FOXN3: variants seen among roughly 807,000 people sequenced by gnomAD.
FOXN3 encodes forkhead box N3, also known as forkhead box protein N3.
Under a neutral mutation model 38.4 loss-of-function variants are expected in FOXN3, and 7 were observed. The ratio of observed to expected loss-of-function variants is 0.18; its 90% CI spans 0.10 to 0.34. The LOEUF (loss-of-function observed/expected upper bound fraction) is 0.34, where lower values mean the gene tolerates loss of function less well. FOXN3 is among the 10% of genes least tolerant of loss of function. The pLI is 1.00. For missense variants in FOXN3, 456 were observed against 613.4 expected (o/e 0.74, Z 2.71); for synonymous variants, 230 against 242.2 (o/e 0.95, Z 0.47).
intron 2 of FOXN3, among the ~76,000 whole-genome samples, chr14:89,397,029 GA>G (rs1176202636): frequency 1.3e-5 from 2 of 152,056 alleles, no homozygotes; most frequent in Non-Finnish European, 2.9e-5. Context: ...CAAAGCCATG[GA>G]ATCAACCTAA....
intron 2 of FOXN3, among the ~76,000 whole-genome samples, chr14:89,407,826 G>C (rs78507777): frequency 0.062 from 9,431 of 152,108 alleles, 398 homozygotes; most frequent in Middle Eastern, 0.11. Context: ...GTGAAACCCT[G>C]TCTCAAAACA....
chr14:89,427,510 G>A (rs1246287789), intron 1 of FOXN3, among the ~76,000 whole-genome samples: 14 of 148,210 alleles, frequency 9.4e-5, no homozygotes, highest in African/African-American at 3.5e-4. Flanking sequence ...GTAGAGATGG[G>A]GTTTCACCAT....
At chr14:89,403,897 C>T (rs1032563740) in intron 2 of FOXN3, among the ~76,000 whole-genome samples, 1 of 152,058 alleles carries the variant, frequency 6.6e-6, no homozygotes, top group Non-Finnish European at 1.5e-5. Context: ...AGAAAAGCAA[C>T]GATGTGAGAC....
chr14:89,308,535 G>A (rs189462719), intron 3 of FOXN3, among the ~76,000 whole-genome samples: 9 of 152,286 alleles, frequency 5.9e-5, no homozygotes, highest in Non-Finnish European at 1.0e-4. Context: ...GTGAAGTTGC[G>A]GGTCTTTGGG....
intron 4 of FOXN3, 89 bp downstream of exon 4, chr14:89,280,861 A>G: frequency 8.7e-7 from 1 of 1,150,394 alleles, no homozygotes; most frequent in East Asian, 2.4e-5. Flanking sequence ...ACGGGACAGA[A>G]CTGTCCTATT....
intron 1 of FOXN3, among the ~76,000 whole-genome samples, chr14:89,452,937 G>A (rs938402435): frequency 5.3e-5 from 8 of 152,258 alleles, no homozygotes; most frequent in Admixed American, 4.6e-4. Flanking sequence ...GGCAGCTCAC[G>A]CCAGTAATCC....
chr14:89,303,301 C>T (rs1486303602), intron 3 of FOXN3, among the ~76,000 whole-genome samples: 1 of 152,012 alleles, frequency 6.6e-6, no homozygotes, highest in African/African-American at 2.4e-5. Flanking sequence ...ACTGCTCCTC[C>T]TGTCTTCTTC....
intron 3 of FOXN3, among the ~76,000 whole-genome samples, chr14:89,308,316 T>C (rs757437621): frequency 1.3e-5 from 2 of 152,210 alleles, no homozygotes; most frequent in Non-Finnish European, 2.9e-5. Context: ...AAAAATTGTA[T>C]ATTTCTGTCC....
chr14:89,187,731 C>G (rs1022027955), intron 4 of FOXN3, among the ~76,000 whole-genome samples: 1 of 152,192 alleles, frequency 6.6e-6, no homozygotes, highest in Non-Finnish European at 1.5e-5. Context: ...TAACCACAAG[C>G]TGCAGATACA....
chr14:89,410,294 G>A (rs1424012547), intron 2 of FOXN3, among the ~76,000 whole-genome samples: 1 of 151,928 alleles, frequency 6.6e-6, no homozygotes, highest in Non-Finnish European at 1.5e-5. Context: ...GAAATTGAAG[G>A]CCCCAGCCCC....
chr14:89,509,170 G>A (rs972799393), intron 1 of FOXN3, among the ~76,000 whole-genome samples: 2 of 152,048 alleles, frequency 1.3e-5, no homozygotes, highest in Non-Finnish European at 1.5e-5. Context: ...GCTGAGCATC[G>A]ACCTGCCTTT....
At chr14:89,229,654 A>G (rs1350581852) in intron 4 of FOXN3, among the ~76,000 whole-genome samples, 5 of 152,166 alleles carry the variant, frequency 3.3e-5, no homozygotes, top group Non-Finnish European at 7.3e-5. Context: ...TTTAGTAGGC[A>G]TGTGTCTCCC....
intron 1 of FOXN3, among the ~76,000 whole-genome samples, chr14:89,521,726 C>CAA (rs201803613): frequency 1.3e-5 from 2 of 151,318 alleles, no homozygotes; most frequent in Non-Finnish European, 2.9e-5. Flanking sequence ...GTCAAACTTC[C>CAA]AAAAAAAATT....
chr14:89,261,053 T>C (rs1339490039), intron 4 of FOXN3, among the ~76,000 whole-genome samples: 1 of 152,218 alleles, frequency 6.6e-6, no homozygotes, highest in Non-Finnish European at 1.5e-5. Flanking sequence ...AGGTTGAGCC[T>C]TGGGTTGGGC....
chr14:89,309,755 A>G (rs1352702608), intron 3 of FOXN3, among the ~76,000 whole-genome samples: 1 of 152,178 alleles, frequency 6.6e-6, no homozygotes, highest in Non-Finnish European at 1.5e-5. Flanking sequence ...GGCAGGCTTG[A>G]GCCTCACCTC....
chr14:89,583,246 T>G (rs961880359), intron 1 of FOXN3, among the ~76,000 whole-genome samples: 5 of 152,206 alleles, frequency 3.3e-5, no homozygotes, highest in Non-Finnish European at 7.3e-5. Context: ...CCCCTCAAAA[T>G]TCATTTATTA....
At chr14:89,609,545 T>A (rs1896349113) in intron 1 of FOXN3, among the ~76,000 whole-genome samples, 1 of 152,148 alleles carries the variant, frequency 6.6e-6, no homozygotes, top group South Asian at 2.1e-4. Flanking sequence ...GACTCATGAT[T>A]TAGCCCTCCC....
chr14:89,493,476 T>C (rs757048525), intron 1 of FOXN3, among the ~76,000 whole-genome samples: 1 of 152,202 alleles, frequency 6.6e-6, no homozygotes, highest in Non-Finnish European at 1.5e-5. Flanking sequence ...CTTTACTTGG[T>C]TGCTCTGTAA....
chr14:89,513,938 A>AGG (rs1894151081), intron 1 of FOXN3, among the ~76,000 whole-genome samples: 1 of 150,282 alleles, frequency 6.7e-6, no homozygotes. Flanking sequence ...ACGCACGCAC[A>AGG]CACGCACGCA....
Sources: allele counts gnomAD v4.1 joint callset (sites outside exome capture counted in the v4.1 genomes callset), GRCh38; gene constraint gnomAD v4.1.1; transcripts MANE v1.5; gene names NCBI Gene and HGNC (gene_info 2026-07-23, HGNC 2026-07-21).